TWF1: variants seen among roughly 807,000 people sequenced by gnomAD.
TWF1 encodes twinfilin-1.
A neutral mutation model predicts 47.9 loss-of-function variants in TWF1; 14 were observed. That is an observed-to-expected ratio of 0.29 (90% confidence interval 0.19 to 0.46). TWF1 has a LOEUF of 0.46. Ranked by LOEUF, TWF1 falls within the 20% of genes least tolerant of loss-of-function variation. TWF1 has a pLI of 1.00. For synonymous variants in TWF1, 96 were observed against 139.2 expected (o/e 0.69, Z 2.18); for missense variants, 281 against 409.3 (o/e 0.69, Z 2.70).
intron 2 of TWF1, among the ~76,000 whole-genome samples, chr12:43,803,754 AT>A (rs1429490932): frequency 2.0e-5 from 3 of 152,096 alleles, no homozygotes; most frequent in Non-Finnish European, 4.4e-5. Context: ...CTATTCTGGT[AT>A]TTTTTATATA....
At chr12:43,803,288 A>G (rs1023844146) in intron 2 of TWF1, among the ~76,000 whole-genome samples, 3 of 152,208 alleles carry the variant, frequency 2.0e-5, no homozygotes, top group African/African-American at 4.8e-5. Context: ...TTAGGGATAC[A>G]TGTAAAAACA....
chr12:43,804,596 A>G (rs770248212), intron 1 of TWF1, 24 bp from the exon 2 acceptor site: 2 of 1,531,752 alleles, frequency 1.3e-6, no homozygotes, highest in African/African-American at 2.8e-5. Context: ...TAAAGAAAGT[A>G]AACTTTTTAT....
chr12:43,798,271 T>C (rs1942591859), intron 5 of TWF1, among the ~76,000 whole-genome samples: 1 of 152,094 alleles, frequency 6.6e-6, no homozygotes, highest in South Asian at 2.1e-4. Context: ...ACAAACAGTG[T>C]ACAAAGACAA....
At chr12:43,805,185 G>A (rs1180276638) in intron 1 of TWF1, among the ~76,000 whole-genome samples, 1 of 152,058 alleles carries the variant, frequency 6.6e-6, no homozygotes, top group African/African-American at 2.4e-5. Context: ...TTCTAATTTC[G>A]TTCCTGTGTT....
intron 5 of TWF1, among the ~76,000 whole-genome samples, chr12:43,798,363 A>T (rs1942593606): frequency 6.6e-6 from 1 of 152,120 alleles, no homozygotes; most frequent in Admixed American, 6.5e-5. Context: ...CATGTACTGG[A>T]AGAGGAGAAA....
At chr12:43,804,382 T>G in intron 2 of TWF1, 113 bp downstream of exon 2, 1 of 716,988 alleles carries the variant, frequency 1.4e-6, no homozygotes, top group East Asian at 2.9e-5. Flanking sequence ...CCGTAAGATT[T>G]GAACTTGCTT....
chr12:43,800,420 A>G lies in TWF1; in HGVS notation c.378+15T>C, dbSNP rs1174998937. ...TTTAATTGCAACATATAGAATCCACATACAAACATAATACCTTTACTGTTC... is the reference window on the plus strand; with the variant it reads ...TTTAATTGCAACATATAGAATCCACGTACAAACATAATACCTTTACTGTTC... On this transcript the variant is annotated intron_variant, in intron 4 of 8. Transcript: ENST00000395510. The G allele has an allele frequency of 2.5e-6, 4 of 1,594,192 alleles. No individual in the cohort carries two copies. In the East Asian group the frequency reaches 6.7e-5, roughly 27 times the overall value.
At chr12:43,805,913 G>C (rs755395479) in intron 1 of TWF1, 6 of 1,496,108 alleles carry the variant, frequency 4.0e-6, no homozygotes, top group Non-Finnish European at 5.4e-6. Context: ...GGAAAGTTGG[G>C]CGACTGTCGG....
intron 5 of TWF1, chr12:43,798,683 T>A: frequency 1.6e-6 from 2 of 1,264,098 alleles, no homozygotes; most frequent in South Asian, 2.9e-5. Context: ...AATAATATGA[T>A]AGATCCTTGC....
rs1366060411 is a variant in TWF1, at chr12:43,799,316, T to C, written c.483+82A>G. ...GCTACCTAACTTCTTTAATCTCTAG[T>C]TATCCTCCCACATCTATTAATTAAA... is the stretch of plus-strand genomic sequence containing the variant. On this transcript the variant is annotated intron_variant, in intron 5 of 8. Coordinates refer to ENST00000395510, the MANE Select transcript of TWF1 (RefSeq NM_002822.5). 5.6e-6 allele frequency: 5 copies of C among 892,764 alleles called. No individual in the cohort carries two copies. The East Asian group carries it at 1.4e-4, about 25-fold the overall frequency. The allele number at this position is 892,764 out of a possible 1,614,324, so 55.3% of individuals were successfully genotyped here. A position where few individuals can be genotyped will look rare whatever the true frequency, so the allele number is the denominator to read the frequency against.
At chr12:43,805,569 A>G in intron 1 of TWF1, 1 of 461,776 alleles carries the variant, frequency 2.2e-6, no homozygotes, top group South Asian at 1.5e-5. Context: ...GAGGTCAGAT[A>G]TAACTGCATA....
chr12:43,796,523 C>A (rs34069600), intron 8 of TWF1, among the ~76,000 whole-genome samples: 6,100 of 152,106 alleles, frequency 0.04, 167 homozygotes, highest in Non-Finnish European at 0.063. Context: ...GGAAAGACTC[C>A]CAACCATCCC....
At chr12:43,796,932 G>T in intron 8 of TWF1, 44 bp downstream of exon 8, 1 of 1,586,056 alleles carries the variant, frequency 6.3e-7, no homozygotes, top group Non-Finnish European at 8.6e-7. Flanking sequence ...GAAATGAAAA[G>T]AAAAATTTAG....
chr12:43,801,924 A>G (rs952800490), intron 3 of TWF1, among the ~76,000 whole-genome samples: 10 of 152,120 alleles, frequency 6.6e-5, no homozygotes, highest in Admixed American at 6.6e-4. Context: ...CAGCTACTCA[A>G]GAGGCTGAGG....
At position 43,806,210 on chromosome 12, in the gene TWF1, G is replaced by A; in HGVS notation, c.25+11C>T. On this transcript the variant is annotated intron_variant, in intron 1 of 8. Coordinates refer to ENST00000395510, the MANE Select transcript of TWF1 (RefSeq NM_002822.5). ...AGCCCCTTCCCTGCGAGTCGCGCCG[G>A]GCGCTGTTACCTTGGATGCCGGTCT... is the stretch of plus-strand genomic sequence containing the variant. 6.5e-7 allele frequency: 1 copy of A among 1,540,434 alleles called. No homozygotes were observed. Among genetic ancestry groups the A allele is most frequent in the Non-Finnish European group, 8.7e-7 (1 of 1,144,596 alleles).
intron 3 of TWF1, 115 bp downstream of exon 3, chr12:43,802,171 G>C (rs755628738): frequency 9.5e-6 from 6 of 630,216 alleles, no homozygotes; most frequent in Non-Finnish European, 1.5e-5. Context: ...TTTTCCTCAT[G>C]ATCATTCCCT....
intron 8 of TWF1, 30 bp downstream of exon 8, chr12:43,796,946 A>G (rs1290090541): frequency 2.4e-5 from 39 of 1,601,904 alleles, no homozygotes; most frequent in Non-Finnish European, 3.3e-5. Flanking sequence ...AATTTAGCAA[A>G]AACTGAAGAT....
chr12:43,805,553 A>T (rs1489254975), intron 1 of TWF1: 3 of 459,114 alleles, frequency 6.5e-6, no homozygotes, highest in Non-Finnish European at 1.3e-5. Flanking sequence ...AAACCAGGAA[A>T]TAATGGAGGT....
chr12:43,804,712 C>A, intron 1 of TWF1, 140 bp from the exon 2 acceptor site: 2 of 540,258 alleles, frequency 3.7e-6, no homozygotes, highest in Non-Finnish European at 6.6e-6. Flanking sequence ...TAAAACTTTA[C>A]CGCATAAAAT....
Sources: allele counts gnomAD v4.1 joint callset (sites outside exome capture counted in the v4.1 genomes callset), GRCh38; gene constraint gnomAD v4.1.1; transcripts MANE v1.5; gene names NCBI Gene and HGNC (gene_info 2026-07-23, HGNC 2026-07-21).